PTPRD: variants seen among roughly 807,000 people sequenced by gnomAD.
PTPRD encodes receptor-type tyrosine-protein phosphatase delta.
In PTPRD, 34 loss-of-function variants were observed where a neutral mutation model predicts 214.5. The ratio of observed to expected loss-of-function variants is 0.16; its 90% CI spans 0.12 to 0.21. PTPRD has a LOEUF of 0.21. Among genes scored for constraint, PTPRD ranks in the 10% least tolerant of loss-of-function variants. PTPRD has a pLI of 1.00. For synonymous variants in PTPRD, 1,128 were observed against 845.7 expected (o/e 1.33, Z -5.79); for missense variants, 2,545 against 2,398.7 (o/e 1.06, Z -1.27).
intron 3 of PTPRD, among the ~76,000 whole-genome samples, chr9:10,252,827 A>G (rs1195491331): frequency 6.6e-6 from 1 of 152,112 alleles, no homozygotes; most frequent in Non-Finnish European, 1.5e-5. Context: ...TCTGTCGCCC[A>G]GGCTGGAGTA....
intron 2 of PTPRD, among the ~76,000 whole-genome samples, chr9:10,466,305 C>T (rs1462778130): frequency 6.6e-6 from 1 of 152,068 alleles, no homozygotes; most frequent in Non-Finnish European, 1.5e-5. Context: ...GCTTCTCTCT[C>T]AATTATTTGA....
intron 6 of PTPRD, among the ~76,000 whole-genome samples, chr9:9,759,638 A>G (rs1439168675): frequency 4.1e-5 from 6 of 147,802 alleles, no homozygotes; most frequent in East Asian, 4.1e-4. Flanking sequence ...GCTCACTGCA[A>G]CCTCTACCTC....
At chr9:10,161,517 C>T (rs568536723) in intron 3 of PTPRD, among the ~76,000 whole-genome samples, 63 of 151,616 alleles carry the variant, frequency 4.2e-4, no homozygotes, top group Non-Finnish European at 9.0e-4. Context: ...TAAACTAGAC[C>T]CTATCTCTCA....
intron 4 of PTPRD, among the ~76,000 whole-genome samples, chr9:10,012,265 C>G (rs942010295): frequency 6.6e-6 from 1 of 151,422 alleles, no homozygotes; most frequent in Non-Finnish European, 1.5e-5. Flanking sequence ...AGGTTTTAAT[C>G]ACAAGATGAA....
At chr9:8,739,299 T>C (rs1332910553) in intron 11 of PTPRD, among the ~76,000 whole-genome samples, 1 of 152,328 alleles carries the variant, frequency 6.6e-6, no homozygotes, top group African/African-American at 2.4e-5. Context: ...CTTGTGGATT[T>C]TCCAAGAGAA....
In PTPRD at chr9:8,341,102, A is replaced by G. The variant is rs201441177; in HGVS notation, c.5114T>C (p.Ile1705Thr). 43 of 1,609,622 alleles carry G rather than the reference A, an allele frequency of 2.7e-5. No individual in the cohort carries two copies. The highest frequency in any genetic ancestry group is 2.8e-5 in the Non-Finnish European group (33 of 1,178,024). Residue 1705 changes from isoleucine (I) to threonine (T), a missense_variant, in exon 41 of 46, where the codon ATT (isoleucine) becomes ACT (threonine). Ile to Thr is a moderately conservative substitution (Grantham distance 89). Coordinates refer to ENST00000381196, the MANE Select transcript of PTPRD (RefSeq NM_002839.4). ...EGSDYINASFIDGYRQQKAYI... is the reference protein window; with the variant it reads ...EGSDYINASFTDGYRQQKAYI... ...CAAAAGTAGATACCTGTATCCATCA[A>G]TAAAACTGGCATTGATGTAATCAGA...
intron 5 of PTPRD, among the ~76,000 whole-genome samples, chr9:9,927,112 A>G (rs1238605048): frequency 6.6e-6 from 1 of 152,154 alleles, no homozygotes; most frequent in Non-Finnish European, 1.5e-5. Context: ...AGATTTTGTA[A>G]TAACCATTAT....
At chr9:10,557,367 G>A (rs1482244911) in intron 2 of PTPRD, among the ~76,000 whole-genome samples, 2 of 152,034 alleles carry the variant, frequency 1.3e-5, no homozygotes, top group African/African-American at 2.4e-5. Context: ...TGTCTCCAAC[G>A]CAGCATTCTT....
At chr9:8,883,888 A>T (rs2098466062) in intron 11 of PTPRD, among the ~76,000 whole-genome samples, 1 of 152,230 alleles carries the variant, frequency 6.6e-6, no homozygotes, top group South Asian at 2.1e-4. Flanking sequence ...GGGGATATAC[A>T]TTCAAGAATC....
At chr9:10,275,966 C>T (rs1595917804) in intron 3 of PTPRD, among the ~76,000 whole-genome samples, 1 of 152,114 alleles carries the variant, frequency 6.6e-6, no homozygotes, top group East Asian at 1.9e-4. Flanking sequence ...CTCTTTCAGG[C>T]TACAGTGTTA....
intron 9 of PTPRD, among the ~76,000 whole-genome samples, chr9:9,384,165 T>A (rs541029482): frequency 6.9e-4 from 104 of 151,804 alleles, no homozygotes; most frequent in African/African-American, 2.2e-3. Context: ...AACAAACATA[T>A]ATCTCAGTGT....
At chr9:8,449,979 T>A in intron 33 of PTPRD, 142 bp from the exon 34 acceptor site, 1 of 758,440 alleles carries the variant, frequency 1.3e-6, no homozygotes. Flanking sequence ...TGTGACCCAG[T>A]TCGGGTTGCT....
At chr9:9,107,882 A>G (rs2099800882) in intron 10 of PTPRD, among the ~76,000 whole-genome samples, 1 of 152,062 alleles carries the variant, frequency 6.6e-6, no homozygotes. Context: ...TTGTTCTTTG[A>G]AAGCCTGTGT....
chr9:9,035,374 CA>C (rs1384205176), intron 10 of PTPRD, among the ~76,000 whole-genome samples: 8 of 152,008 alleles, frequency 5.3e-5, no homozygotes, highest in African/African-American at 1.9e-4. Flanking sequence ...AGCCTTCTGT[CA>C]GCTTTATTAT....
intron 14 of PTPRD, among the ~76,000 whole-genome samples, chr9:8,576,617 C>G (rs1177339804): frequency 1.6e-5 from 2 of 123,724 alleles, no homozygotes; most frequent in East Asian, 2.3e-4. Flanking sequence ...TGATCTACAG[C>G]AAGGCTAATG....
intron 3 of PTPRD, among the ~76,000 whole-genome samples, chr9:10,184,190 C>T (rs1191664980): frequency 7.9e-5 from 12 of 152,020 alleles, no homozygotes; most frequent in African/African-American, 2.9e-4. Context: ...TTTGGGAGGC[C>T]GAGGTGGGCA....
chr9:9,597,654 G>T (rs760466253), intron 7 of PTPRD, among the ~76,000 whole-genome samples: 17 of 152,052 alleles, frequency 1.1e-4, no homozygotes, highest in Middle Eastern at 3.4e-3. Flanking sequence ...CAAGAAATGG[G>T]ACATTAAAAA....
chr9:8,851,295 T>A (rs755433336), intron 11 of PTPRD, among the ~76,000 whole-genome samples: 2 of 151,948 alleles, frequency 1.3e-5, no homozygotes, highest in Non-Finnish European at 2.9e-5. Flanking sequence ...AAATCAAATA[T>A]CCCCAGGAAT....
At chr9:9,555,865 C>T (rs1307818815) in intron 8 of PTPRD, among the ~76,000 whole-genome samples, 2 of 152,060 alleles carry the variant, frequency 1.3e-5, no homozygotes, top group East Asian at 1.9e-4. Flanking sequence ...CTAACGAATA[C>T]ACCTGAAAGT....
Sources: gnomAD v4.1 joint callset for allele counts (sites outside exome capture counted in the v4.1 genomes callset) on GRCh38, gnomAD v4.1.1 for gene constraint, MANE v1.5 for transcripts, NCBI Gene and HGNC (gene_info 2026-07-23, HGNC 2026-07-21) for gene names.